The following TRAPPC9 variants were observed in gnomAD, a reference collection of about 807,000 sequenced individuals.
TRAPPC9 encodes IKK2 binding protein.
Under a neutral mutation model 124.0 loss-of-function variants are expected in TRAPPC9, and 83 were observed. The ratio of observed to expected loss-of-function variants is 0.67; its 90% CI spans 0.56 to 0.80. The LOEUF (loss-of-function observed/expected upper bound fraction) is 0.80. Among genes scored for constraint, TRAPPC9 ranks in the 30% least tolerant of loss-of-function variants. TRAPPC9 has a pLI of 0.00. For synonymous variants in TRAPPC9, 638 were observed against 617.5 expected (o/e 1.03, Z -0.49); for missense variants, 1,302 against 1,508.3 (o/e 0.86, Z 2.27).
intron 21 of TRAPPC9, among the ~76,000 whole-genome samples, chr8:139,768,926 G>A (rs369142664): frequency 7.0e-4 from 106 of 152,288 alleles, no homozygotes; most frequent in African/African-American, 2.5e-3. Context: ...ATTATAAGAG[G>A]AGATTAAAAC....
At chr8:140,361,527 TC>T (rs937003645) in intron 8 of TRAPPC9, among the ~76,000 whole-genome samples, 16 of 152,342 alleles carry the variant, frequency 1.1e-4, no homozygotes, top group African/African-American at 3.8e-4. Context: ...TTAAAGCACT[TC>T]AGCAGTTTAT....
At chr8:139,763,687 C>T (rs367622020) in intron 21 of TRAPPC9, among the ~76,000 whole-genome samples, 5 of 152,356 alleles carry the variant, frequency 3.3e-5, no homozygotes, top group East Asian at 1.9e-4. Context: ...TGCACACACA[C>T]GTCGATCATT....
intron 19 of TRAPPC9, among the ~76,000 whole-genome samples, chr8:139,985,065 C>T (rs978530649): frequency 2.6e-5 from 4 of 152,036 alleles, no homozygotes; most frequent in Non-Finnish European, 5.9e-5. Flanking sequence ...GCTGAAGTAT[C>T]AATATTTATT....
intron 14 of TRAPPC9, among the ~76,000 whole-genome samples, chr8:140,282,720 G>A (rs1023904406): frequency 2.0e-5 from 3 of 152,118 alleles, no homozygotes; most frequent in Admixed American, 6.5e-5. Flanking sequence ...CTTACGTTAC[G>A]TGGTTATGCA....
chr8:140,187,124 T>C (rs1185687374), intron 17 of TRAPPC9, among the ~76,000 whole-genome samples: 2 of 152,166 alleles, frequency 1.3e-5, no homozygotes, highest in African/African-American at 4.8e-5. Context: ...TCGAACTACA[T>C]AGGTTTGACC....
chr8:140,075,187 C>T (rs894963555), intron 17 of TRAPPC9, among the ~76,000 whole-genome samples: 2 of 152,108 alleles, frequency 1.3e-5, no homozygotes, highest in Admixed American at 1.3e-4. Flanking sequence ...CCTTCTAGGC[C>T]CTGCGTCTTA....
chr8:140,284,809 G>A (rs1171579774), intron 13 of TRAPPC9, among the ~76,000 whole-genome samples: 1 of 152,152 alleles, frequency 6.6e-6, no homozygotes, highest in Non-Finnish European at 1.5e-5. Context: ...TCAGCCCCGT[G>A]CTCACCTCCT....
In TRAPPC9 at chr8:140,036,322, G is replaced by T. The variant is rs76673287; in HGVS notation, c.2557-12243C>A. Among the ~76,000 whole-genome samples, 951 of 152,262 alleles carry T rather than the reference G, an allele frequency of 6.2e-3. 33 individuals carry two copies. The East Asian group carries it at 0.11, about 18-fold the overall frequency. ...AGCTAGCAGATGAAGTCACTGCCAG[G>T]TGAAGACTGATGGGGACGTGTTCGG... On this transcript the variant is annotated intron_variant, in intron 17 of 22. Transcript: ENST00000438773.
At chr8:140,427,349 A>G (rs553761078) in intron 4 of TRAPPC9, among the ~76,000 whole-genome samples, 1 of 151,232 alleles carries the variant, frequency 6.6e-6, no homozygotes, top group South Asian at 2.1e-4. Flanking sequence ...ACCCCCCTAA[A>G]ATACATCTCT....
In TRAPPC9 at chr8:140,104,035, C is replaced by T. The variant is rs777068566; in HGVS notation, c.2557-79956G>A. ...TGCATCTCTAAATCCAGACGCTGGA[C>T]CATCCCTTTGCTTCCTATGTTTATT... On this transcript the variant is annotated intron_variant, in intron 17 of 22. Coordinates refer to ENST00000438773, the MANE Select transcript of TRAPPC9 (RefSeq NM_001160372.4). This position sits in a 1 kb window ranked among gnomAD's most constrained non-coding sequence, Gnocchi z 4.0. Among the ~76,000 whole-genome samples, 2 of 152,214 alleles carry T rather than the reference C, an allele frequency of 1.3e-5. No individual in the cohort carries two copies. The highest frequency in any genetic ancestry group is 2.9e-5 in the Non-Finnish European group (2 of 68,046).
At chr8:140,391,559 A>T (rs2068923794) in intron 7 of TRAPPC9, among the ~76,000 whole-genome samples, 1 of 151,480 alleles carries the variant, frequency 6.6e-6, no homozygotes, top group Admixed American at 6.6e-5. Flanking sequence ...CTAAAAATAC[A>T]AAATTAGCCG....
chr8:139,980,468 G>A (rs898809), intron 19 of TRAPPC9, among the ~76,000 whole-genome samples: 61,541 of 152,078 alleles, frequency 0.4, 13,290 homozygotes, highest in Non-Finnish European at 0.47. Context: ...CCCTGCACAC[G>A]AGCCATGACG....
chr8:140,317,635 T>A lies in TRAPPC9; in HGVS notation c.1496-6261A>T, dbSNP rs574627986. On this transcript the variant is annotated intron_variant, in intron 9 of 22. Coordinates refer to ENST00000438773, the MANE Select transcript of TRAPPC9 (RefSeq NM_001160372.4). ...AGATTATAAGTGATTTCTGCTTTAA[T>A]TTTTTTTTAAGTTTAACAACGAAAA... Among the ~76,000 whole-genome samples the A allele has an allele frequency of 2.6e-5, 4 of 151,766 alleles. No homozygotes were observed. The South Asian group carries it at 8.3e-4, about 32-fold the overall frequency.
In TRAPPC9 at chr8:139,728,386, G is replaced by A. The variant is rs1817656335; in HGVS notation, c.*2675C>T. Among the ~76,000 whole-genome samples, 1 of 152,220 alleles carries A rather than the reference G, an allele frequency of 6.6e-6. No individual in the cohort carries two copies. Among genetic ancestry groups the A allele is most frequent in the Non-Finnish European group, 1.5e-5 (1 of 68,032 alleles). On this transcript the variant is annotated 3_prime_UTR_variant, in exon 23 of 23. Coordinates refer to ENST00000438773, the MANE Select transcript of TRAPPC9 (RefSeq NM_001160372.4). ...GCTTACCCTCCGCTGGCCTTCAGGAGGTTTCTGAATGCACCAGGGGCCTAG... is the reference window on the plus strand; with the variant it reads ...GCTTACCCTCCGCTGGCCTTCAGGAAGTTTCTGAATGCACCAGGGGCCTAG...
chr8:140,279,623 G>A (rs906817271), intron 14 of TRAPPC9, among the ~76,000 whole-genome samples: 2 of 152,174 alleles, frequency 1.3e-5, no homozygotes, highest in Non-Finnish European at 2.9e-5. Context: ...GCTCGGTGCC[G>A]TGGTGGCCGC....
intron 17 of TRAPPC9, among the ~76,000 whole-genome samples, chr8:140,071,298 C>T (rs1477550328): frequency 6.6e-6 from 1 of 152,170 alleles, no homozygotes; most frequent in East Asian, 1.9e-4. Flanking sequence ...GACCAGCCCT[C>T]GACACTCACA....
intron 16 of TRAPPC9, among the ~76,000 whole-genome samples, chr8:140,221,792 C>G (rs1048503957): frequency 3.3e-5 from 5 of 152,306 alleles, no homozygotes; most frequent in African/African-American, 1.2e-4. Context: ...CGTGCGCCAC[C>G]ACACCTGGCT....
chr8:140,079,969 AAGGAGG>A (rs369523678), intron 17 of TRAPPC9, among the ~76,000 whole-genome samples: 2 of 151,892 alleles, frequency 1.3e-5, no homozygotes, highest in East Asian at 1.9e-4. Context: ...AATGAAGAAG[AAGGAGG>A]AGGAGGAGGA....
intron 7 of TRAPPC9, among the ~76,000 whole-genome samples, chr8:140,374,583 A>G (rs1262674971): frequency 3.3e-5 from 5 of 152,070 alleles, no homozygotes; most frequent in African/African-American, 1.2e-4. Context: ...AAAAAAAAAG[A>G]AAAGAAAAGA....
Sources: gnomAD v4.1 joint callset for allele counts (sites outside exome capture counted in the v4.1 genomes callset) on GRCh38, gnomAD v4.1.1 for gene constraint, Gnocchi (gnomAD v3.1) non-coding constraint, MANE v1.5 for transcripts, NCBI Gene and HGNC (gene_info 2026-07-23, HGNC 2026-07-21) for gene names.